Variants in MAGI1 observed in about 807,000 individuals in gnomAD.
The protein encoded by MAGI1 is membrane-associated guanylate kinase, WW and PDZ domain-containing protein 1.
Under a neutral mutation model 139.9 loss-of-function variants are expected in MAGI1, and 58 were observed. That is an observed-to-expected ratio of 0.41 (90% confidence interval 0.34 to 0.52). The LOEUF (loss-of-function observed/expected upper bound fraction) is 0.52, where lower values mean the gene tolerates loss of function less well. Among genes scored for constraint, MAGI1 ranks in the 20% least tolerant of loss-of-function variants. The pLI is 0.12. For synonymous variants in MAGI1, 812 were observed against 737.9 expected (o/e 1.10, Z -1.63); for missense variants, 1,874 against 1,901.6 (o/e 0.99, Z 0.27).
At chr3:65,975,762 T>A (rs1039377001) in intron 1 of MAGI1, among the ~76,000 whole-genome samples, 6 of 152,200 alleles carry the variant, frequency 3.9e-5, no homozygotes. Flanking sequence ...AGACTTGGAC[T>A]AAGATTAAGT....
chr3:65,980,105 T>A lies in MAGI1; in HGVS notation c.313+57891A>T, dbSNP rs1428257433. On this transcript the variant is annotated intron_variant, in intron 1 of 22. Transcript: ENST00000402939. ...GATTAATTATACAAGCAAACAGTGG[T>A]GGCTTTAAGGTCCAGCTTTTAAAAA... 2.0e-5 allele frequency among the ~76,000 whole-genome samples: 3 copies of A among 152,138 alleles called. No homozygotes were observed. The East Asian group carries it at 5.8e-4, about 29-fold the overall frequency.
chr3:65,931,269 G>C (rs1045445747), intron 1 of MAGI1, among the ~76,000 whole-genome samples: 3 of 152,088 alleles, frequency 2.0e-5, no homozygotes, highest in African/African-American at 7.2e-5. Flanking sequence ...TGTTGACCTC[G>C]TGATCCACCC....
At chr3:65,821,884 T>C (rs1305689883) in intron 1 of MAGI1, among the ~76,000 whole-genome samples, 1 of 152,198 alleles carries the variant, frequency 6.6e-6, no homozygotes, top group Non-Finnish European at 1.5e-5. Flanking sequence ...GCATGATGGC[T>C]TAGACACACT....
chr3:65,945,700 G>A (rs1395350926), intron 1 of MAGI1, among the ~76,000 whole-genome samples: 2 of 152,178 alleles, frequency 1.3e-5, no homozygotes, highest in Non-Finnish European at 2.9e-5. Flanking sequence ...TCCGATTTCT[G>A]TATGTCATTT....
At chr3:65,442,753 A>T (rs1185369398) in intron 8 of MAGI1, 39 bp downstream of exon 8, 6 of 1,440,282 alleles carry the variant, frequency 4.2e-6, no homozygotes, top group East Asian at 4.6e-5. Context: ...AATTATAGAG[A>T]GGTATAAACT....
intron 1 of MAGI1, among the ~76,000 whole-genome samples, chr3:65,806,417 A>C (rs990726013): frequency 2.0e-5 from 3 of 151,544 alleles, no homozygotes; most frequent in Non-Finnish European, 4.4e-5. Flanking sequence ...AACAGAGGGA[A>C]ACTCCATTTC....
At chr3:65,800,638 T>TAA (rs11446884) in intron 1 of MAGI1, among the ~76,000 whole-genome samples, 68 of 149,878 alleles carry the variant, frequency 4.5e-4, no homozygotes, top group Middle Eastern at 3.5e-3. Flanking sequence ...TTAATTAGAT[T>TAA]AAAAAAAAAA....
chr3:65,713,819 T>TG (rs746508277), intron 1 of MAGI1, among the ~76,000 whole-genome samples: 4 of 152,230 alleles, frequency 2.6e-5, no homozygotes, highest in Non-Finnish European at 5.9e-5. Flanking sequence ...ACTGCATGCC[T>TG]GCTTCCTACC....
chr3:65,880,147 C>T (rs2060266898), intron 1 of MAGI1, among the ~76,000 whole-genome samples: 1 of 152,086 alleles, frequency 6.6e-6, no homozygotes, highest in South Asian at 2.1e-4. Context: ...AAGGCTAAGG[C>T]AGGAGGACTG....
intron 13 of MAGI1, among the ~76,000 whole-genome samples, chr3:65,401,027 C>T (rs1005598963): frequency 1.3e-5 from 2 of 151,898 alleles, no homozygotes; most frequent in African/African-American, 4.8e-5. Context: ...GACATGTGAA[C>T]GGCTGGGAAC....
chr3:65,847,358 T>C (rs943927373), intron 1 of MAGI1, among the ~76,000 whole-genome samples: 7 of 152,124 alleles, frequency 4.6e-5, no homozygotes, highest in South Asian at 4.1e-4. Context: ...TCTATTTCTT[T>C]TCTGGCCGGC....
intron 2 of MAGI1, among the ~76,000 whole-genome samples, chr3:65,504,550 T>TG (rs2077203823): frequency 6.6e-6 from 1 of 151,872 alleles, no homozygotes; most frequent in Admixed American, 6.6e-5. Context: ...AAGAAGACAT[T>TG]GGGGAGGGGT....
intron 1 of MAGI1, among the ~76,000 whole-genome samples, chr3:65,807,690 A>C (rs899537814): frequency 6.6e-6 from 1 of 152,222 alleles, no homozygotes; most frequent in African/African-American, 2.4e-5. Context: ...CACAGTACCC[A>C]AAAGATACAA....
chr3:65,382,541 TTTTAGCAC>T (rs1408851075), intron 15 of MAGI1, among the ~76,000 whole-genome samples: 3 of 152,232 alleles, frequency 2.0e-5, no homozygotes, highest in African/African-American at 4.8e-5. Flanking sequence ...TTTTGAAGTC[TTTTAGCAC>T]CCGAAAGCAG....
chr3:65,728,006 A>C (rs2033798830), intron 1 of MAGI1, among the ~76,000 whole-genome samples: 6 of 152,208 alleles, frequency 3.9e-5, no homozygotes. Flanking sequence ...AGACCAGGAA[A>C]CATTTGTAAA....
chr3:65,999,962 T>TC (rs1289412216), intron 1 of MAGI1, among the ~76,000 whole-genome samples: 27 of 132,178 alleles, frequency 2.0e-4, no homozygotes, highest in African/African-American at 6.8e-4. Context: ...CAGGTCTTGT[T>TC]CCCCCCACGC....
chr3:65,661,745 G>GTTTTTTTTTTTTTTTTTTTTTTTTTCTT (rs11369893), intron 1 of MAGI1, among the ~76,000 whole-genome samples: 1 of 93,920 alleles, frequency 1.1e-5, no homozygotes, highest in Non-Finnish European at 2.0e-5. Flanking sequence ...GTTTTTTTCT[G>GTTTTTTTTTTTTTTTTTTTTTTTTTCTT]TTTTTTTTTT....
chr3:65,637,899 C>T (rs2084738621), intron 1 of MAGI1, among the ~76,000 whole-genome samples: 1 of 151,962 alleles, frequency 6.6e-6, no homozygotes, highest in Admixed American at 6.6e-5. Context: ...GTCTGTCATC[C>T]CCACCCCCCA....
At chr3:65,768,100 A>C (rs1270129682) in intron 1 of MAGI1, among the ~76,000 whole-genome samples, 1 of 152,204 alleles carries the variant, frequency 6.6e-6, no homozygotes, top group Admixed American at 6.5e-5. Flanking sequence ...TCCTACTGGC[A>C]ACCCTTTACA....
Sources: allele counts gnomAD v4.1 joint callset (sites outside exome capture counted in the v4.1 genomes callset), GRCh38; gene constraint gnomAD v4.1.1; transcripts MANE v1.5; gene names NCBI Gene and HGNC (gene_info 2026-07-23, HGNC 2026-07-21).